The following TNRC6C variants were observed in gnomAD, a reference collection of about 807,000 sequenced individuals.
The protein encoded by TNRC6C is trinucleotide repeat containing adaptor 6C.
In TNRC6C, 20 loss-of-function variants were observed where a neutral mutation model predicts 153.7. The ratio of observed to expected loss-of-function variants is 0.13; its 90% CI spans 0.09 to 0.19. The LOEUF is 0.19. TNRC6C is among the 10% of genes least tolerant of loss of function. The pLI is 1.00. For synonymous variants in TNRC6C, 811 were observed against 841.4 expected, an observed-to-expected ratio of 0.96 and a Z score of 0.63; for missense variants, 1,987 against 2,172.0, an observed-to-expected ratio of 0.91 and a Z score of 1.69.
chr17:78,003,730 C>A (rs531696751), upstream of TNRC6C, among the ~76,000 whole-genome samples: 316 of 152,266 alleles, frequency 2.1e-3, 4 homozygotes, highest in African/African-American at 6.9e-3. Flanking sequence ...AGAAAAGATA[C>A]ATCACCCTGA....
In TNRC6C at chr17:78,049,700, G is replaced by A. The variant is rs1210344653; in HGVS notation, c.638G>A (p.Gly213Asp). 6.2e-7 allele frequency: 1 copy of A among 1,605,606 alleles called. No homozygotes were observed. Among genetic ancestry groups the A allele is most frequent in the Non-Finnish European group, 8.5e-7 (1 of 1,174,256 alleles). Residue 213 changes from glycine (G) to aspartate (D), a missense_variant, in exon 3 of 20, where the codon GGT (glycine) becomes GAT (aspartate). Transcript: ENST00000301624. The surrounding 1 kb of genome is among the most constrained non-coding windows in gnomAD (Gnocchi z 4.1). ...CTGCCAAACTGGGGCATGGCTGTTG[G>A]TATGGGGGCCATCATCCCGCCCCAC...
upstream of TNRC6C, chr17:78,004,295 G>A: frequency 8.1e-7 from 1 of 1,231,672 alleles, no homozygotes; most frequent in South Asian, 4.1e-5. Flanking sequence ...CTGCTTCATT[G>A]TCTTTGTATC....
intron 1 of TNRC6C, among the ~76,000 whole-genome samples, chr17:77,980,661 T>C (rs1040428946): frequency 3.9e-5 from 6 of 152,184 alleles, no homozygotes; most frequent in African/African-American, 1.4e-4. Flanking sequence ...CTGTCCCTCC[T>C]TGAGACACCA....
chr17:78,076,238 A>AG (rs112729090), intron 8 of TNRC6C, among the ~76,000 whole-genome samples: 32,983 of 150,848 alleles, frequency 0.22, 4,197 homozygotes, highest in East Asian at 0.39. Context: ...AAAAAGAAAA[A>AG]AAAAAAAGGA....
intron 1 of TNRC6C, among the ~76,000 whole-genome samples, chr17:78,006,620 T>C (rs76990579): frequency 0.059 from 8,638 of 146,558 alleles, 810 homozygotes; most frequent in African/African-American, 0.19. Context: ...CTTCTTCTTC[T>C]TTCTTCTTCT....
intron 1 of TNRC6C, among the ~76,000 whole-genome samples, chr17:77,994,022 G>A (rs533072570): frequency 3.3e-5 from 5 of 151,998 alleles, no homozygotes; most frequent in African/African-American, 4.8e-5. Context: ...GTGAAACCCC[G>A]TCTCTACTGA....
chr17:77,965,585 T>C (rs1297636075), intron 1 of TNRC6C, among the ~76,000 whole-genome samples: 1 of 152,208 alleles, frequency 6.6e-6, no homozygotes, highest in Non-Finnish European at 1.5e-5. Context: ...CCTTTATGTC[T>C]TCCCTGTGCA....
At chr17:78,065,206 G>A (rs149371465) in intron 4 of TNRC6C, among the ~76,000 whole-genome samples, 1,759 of 152,056 alleles carry the variant, frequency 0.012, 17 homozygotes, top group South Asian at 0.037. Flanking sequence ...TGAAAAATTA[G>A]CCAGGCATGG....
At chr17:77,965,584 C>G (rs1323879685) in intron 1 of TNRC6C, among the ~76,000 whole-genome samples, 2 of 152,204 alleles carry the variant, frequency 1.3e-5, no homozygotes, top group African/African-American at 4.8e-5. Flanking sequence ...ACCTTTATGT[C>G]TTCCCTGTGC....
chr17:77,998,751 G>C (rs747620212), intron 1 of TNRC6C, among the ~76,000 whole-genome samples: 4 of 152,212 alleles, frequency 2.6e-5, no homozygotes, highest in African/African-American at 4.8e-5. Context: ...TCCAAAACTT[G>C]GGTCATTTGG....
chr17:78,099,121 G>A (rs968856589), intron 17 of TNRC6C, among the ~76,000 whole-genome samples: 1 of 152,140 alleles, frequency 6.6e-6, no homozygotes, highest in African/African-American at 2.4e-5. Context: ...ACACCAGCGT[G>A]GGCAACAAAG....
chr17:78,086,415 T>A lies in TNRC6C; in HGVS notation c.3478-88T>A, dbSNP rs946009169. 25 of 1,249,390 alleles carry A rather than the reference T, an allele frequency of 2.0e-5. No homozygotes were observed. The African/African-American group carries it at 3.2e-4, about 16-fold the overall frequency. 77.4% of individuals were successfully genotyped at this position (1,249,390 alleles called of 1,614,324 possible). On this transcript the variant is annotated intron_variant, in intron 11 of 19. Coordinates refer to ENST00000301624, the Ensembl canonical transcript of TNRC6C. ...GAAGAGTGGCTAGGTTCTCTTTTTT[T>A]ATTTTTTAACTAATGTCAGAAAGTT... is the stretch of plus-strand genomic sequence containing the variant.
intron 1 of TNRC6C, among the ~76,000 whole-genome samples, chr17:78,012,586 A>G (rs1379546554): frequency 6.6e-6 from 1 of 152,258 alleles, no homozygotes; most frequent in African/African-American, 2.4e-5. Flanking sequence ...ATGCAAATGA[A>G]TGCAATAAAA....
At chr17:78,002,984 C>G (rs1342567458), upstream of TNRC6C, among the ~76,000 whole-genome samples, 2 of 152,098 alleles carry the variant, frequency 1.3e-5, no homozygotes, top group Non-Finnish European at 1.5e-5. Flanking sequence ...GGATCAAGAA[C>G]AGGTGCCATG....
exon 14 of TNRC6C, chr17:78,091,584 T>A: frequency 6.4e-7 from 1 of 1,573,600 alleles, no homozygotes; most frequent in Non-Finnish European, 8.6e-7. Flanking sequence ...GCTTCCCCCC[T>A]GGAGCAGAAC....
intron 3 of TNRC6C, among the ~76,000 whole-genome samples, chr17:78,052,143 A>G (rs2072550148): frequency 6.6e-6 from 1 of 152,224 alleles, no homozygotes; most frequent in Non-Finnish European, 1.5e-5. Context: ...CAGGTGGGCC[A>G]GGCTGTCATG....
intron 13 of TNRC6C, among the ~76,000 whole-genome samples, chr17:78,089,521 TGTAAAGAAACCAGCA>T (rs1270739599): frequency 1.3e-5 from 2 of 152,322 alleles, no homozygotes; most frequent in East Asian, 3.9e-4. Context: ...CATCAATTCA[TGTAAAGAAACCAGCA>T]GCCCATGGTC....
chr17:78,080,027 T>C (rs757440701), intron 10 of TNRC6C, among the ~76,000 whole-genome samples: 6 of 152,258 alleles, frequency 3.9e-5, no homozygotes, highest in Non-Finnish European at 8.8e-5. Flanking sequence ...TGATCTCATA[T>C]AATAGTGTAT....
intron 2 of TNRC6C, among the ~76,000 whole-genome samples, chr17:78,048,486 C>T (rs112285195): frequency 0.013 from 2,043 of 152,214 alleles, 14 homozygotes; most frequent in Middle Eastern, 0.048. Context: ...ACTGTCATTG[C>T]CAGTGTTTCT....
Sources: allele counts gnomAD v4.1 joint callset (sites outside exome capture counted in the v4.1 genomes callset), GRCh38; gene constraint gnomAD v4.1.1; non-coding constraint Gnocchi (gnomAD v3.1); transcripts MANE v1.5; gene names NCBI Gene and HGNC (gene_info 2026-07-23, HGNC 2026-07-21).